GMCL1: variants seen among roughly 807,000 people sequenced by gnomAD.
The protein encoded by GMCL1 is germ cell-less protein-like 1.
In GMCL1, 54 loss-of-function variants were observed where a neutral mutation model predicts 75.5. The ratio of observed to expected loss-of-function variants is 0.71; its 90% CI spans 0.57 to 0.90. The LOEUF is 0.90. Ranked by LOEUF, GMCL1 falls within the 40% of genes least tolerant of loss-of-function variation. The pLI is 0.00. For missense variants in GMCL1, 537 were observed against 622.7 expected, an observed-to-expected ratio of 0.86 and a Z score of 1.47; for synonymous variants, 210 against 209.6, an observed-to-expected ratio of 1.00 and a Z score of -0.02.
intron 8 of GMCL1, among the ~76,000 whole-genome samples, chr2:69,852,569 G>T (rs1371533769): frequency 6.8e-6 from 1 of 148,034 alleles, no homozygotes; most frequent in East Asian, 2.0e-4. Context: ...ACAGAGTCTT[G>T]CTCTGTCACC....
intron 12 of GMCL1, 131 bp from the exon 13 acceptor site, chr2:69,871,614 G>T: frequency 1.8e-6 from 1 of 561,260 alleles, no homozygotes; most frequent in Non-Finnish European, 3.1e-6. Context: ...ATTACAGTTT[G>T]AAAAGACTTC....
intron 1 of GMCL1, 74 bp downstream of exon 1, chr2:69,830,226 C>T: frequency 6.7e-7 from 1 of 1,483,708 alleles, no homozygotes; most frequent in Non-Finnish European, 8.9e-7. Context: ...GCGCCTCGTG[C>T]GCTTGCGGGG....
At chr2:69,847,888 G>A (rs1675200427) in intron 7 of GMCL1, among the ~76,000 whole-genome samples, 1 of 151,836 alleles carries the variant, frequency 6.6e-6, no homozygotes, top group South Asian at 2.1e-4. Flanking sequence ...ATATGTTATT[G>A]CTATTTGTTT....
chr2:69,844,544 C>CTTTTTTT (rs34141260), intron 6 of GMCL1: 3 of 132,202 alleles, frequency 2.3e-5, no homozygotes, highest in Non-Finnish European at 4.9e-5. Context: ...CTGTTTTGGC[C>CTTTTTTT]TTTTTTTTTT....
In GMCL1 at chr2:69,881,085, GTTTCA is replaced by G. The variant is rs1276392380; in HGVS notation, c.*2087_*2091del. Reference sequence around the variant, plus strand: ...ATCATATTAATGAATAAAGTTAACTGTTTCATTTCACTTACATAAGTTAACTGGCC... The same window carrying G: ...ATCATATTAATGAATAAAGTTAACTGTTTCACTTACATAAGTTAACTGGCC... On this transcript the variant is annotated 3_prime_UTR_variant, in exon 14 of 14. Coordinates refer to ENST00000282570, the MANE Select transcript of GMCL1 (RefSeq NM_178439.5). The G allele has an allele frequency of 6.6e-6, 1 of 152,178 alleles. No individual in the cohort carries two copies. The highest frequency in any genetic ancestry group is 1.9e-4 in the East Asian group (1 of 5,204). 9.4% of individuals were successfully genotyped at this position (152,178 alleles called of 1,614,324 possible).
intron 13 of GMCL1, among the ~76,000 whole-genome samples, chr2:69,877,028 C>T (rs1289895212): frequency 6.6e-6 from 1 of 152,054 alleles, no homozygotes; most frequent in Non-Finnish European, 1.5e-5. Context: ...CCAACAACAA[C>T]AAATACCCAG....
At chr2:69,848,562 G>A (rs1675220394) in intron 7 of GMCL1, among the ~76,000 whole-genome samples, 1 of 152,152 alleles carries the variant, frequency 6.6e-6, no homozygotes, top group East Asian at 1.9e-4. Flanking sequence ...CAAAAGATTA[G>A]CTGGGTGTGG....
chr2:69,830,468 A>G (rs117772525), intron 1 of GMCL1, among the ~76,000 whole-genome samples: 4,297 of 152,320 alleles, frequency 0.028, 99 homozygotes, highest in Non-Finnish European at 0.045. Flanking sequence ...TGGCCTTCCC[A>G]GTCCACCTTT....
chr2:69,847,584 T>A lies in GMCL1; in HGVS notation c.800T>A (p.Phe267Tyr). The A allele has an allele frequency of 6.2e-7, 1 of 1,611,392 alleles. No individual in the cohort carries two copies. The highest frequency in any genetic ancestry group is 8.5e-7 in the Non-Finnish European group (1 of 1,177,844). ...MKQLIGSSNL[F>Y]VMQVEMDIYT... The stretch of plus-strand genomic sequence containing the variant: ...CAGCTCATTGGTTCATCTAACTTAT[T>A]TGTGATGCAAGTGGAGATGGATATA... The change falls in exon 7 of 14, where the codon TTT (phenylalanine) becomes TAT (tyrosine). Residue 267 changes from phenylalanine (F) to tyrosine (Y), a missense_variant. Physicochemically the swap from Phe to Tyr is conservative, Grantham distance 22. This residue lies in a region of GMCL1 where 345 missense variants were observed against 410.5 expected (regional missense o/e 0.84). Transcript: ENST00000282570.
chr2:69,852,024 T>C (rs995902387), intron 8 of GMCL1, among the ~76,000 whole-genome samples: 4 of 152,134 alleles, frequency 2.6e-5, no homozygotes, highest in Non-Finnish European at 5.9e-5. Flanking sequence ...TGTTACGTTA[T>C]GGCAATTAAA....
chr2:69,853,722 A>G (rs2103993668), intron 8 of GMCL1, among the ~76,000 whole-genome samples: 1 of 152,240 alleles, frequency 6.6e-6, no homozygotes, highest in South Asian at 2.1e-4. Flanking sequence ...CTGGAATGTA[A>G]CTGAGGGTAA....
chr2:69,861,810 C>T lies in GMCL1; in HGVS notation c.1142+463C>T, dbSNP rs145943734. On this transcript the variant is annotated intron_variant, in intron 10 of 13. Coordinates refer to ENST00000282570, the MANE Select transcript of GMCL1 (RefSeq NM_178439.5). ...ATTTAAAAACCATCCAGGCTGGGCA[C>T]GGTGGCTCACGCCTGTAATCCCAGC... 3.9e-5 allele frequency among the ~76,000 whole-genome samples: 6 copies of T among 152,210 alleles called. No homozygotes were observed. In the East Asian group the frequency reaches 5.8e-4, roughly 15 times the overall value.
intron 1 of GMCL1, among the ~76,000 whole-genome samples, chr2:69,837,319 T>G (rs1218007717): frequency 2.0e-5 from 3 of 152,180 alleles, no homozygotes; most frequent in African/African-American, 7.2e-5. Context: ...CTCCACTATC[T>G]CTCCCGTGCA....
intron 11 of GMCL1, among the ~76,000 whole-genome samples, chr2:69,868,308 T>C (rs1573370770): frequency 6.6e-6 from 1 of 152,184 alleles, no homozygotes; most frequent in South Asian, 2.1e-4. Context: ...TTTACTGCTA[T>C]GATTCCATTG....
At position 69,860,217 on chromosome 2, in the gene GMCL1, C is replaced by T. The variant is rs1289045679; in HGVS notation, c.1073-1061C>T. On this transcript the variant is annotated intron_variant, in intron 9 of 13. Transcript: ENST00000282570. ...TGTTGCCCAGGCTGGTCTAGAACTC[C>T]TGGGCTCAAGTGATCCTCCTACCTC... Among the ~76,000 whole-genome samples, 4 of 152,172 alleles carry T rather than the reference C, an allele frequency of 2.6e-5. No individual in the cohort carries two copies. In the East Asian group the frequency reaches 7.7e-4, roughly 29 times the overall value.
chr2:69,842,027 G>GAAAAGA (rs1419623139), intron 4 of GMCL1, among the ~76,000 whole-genome samples: 1 of 152,200 alleles, frequency 6.6e-6, no homozygotes, highest in Non-Finnish European at 1.5e-5. Flanking sequence ...TTAATCAGGG[G>GAAAAGA]AAAGACGAAG....
At chr2:69,871,597 C>T (rs748679558) in intron 12 of GMCL1, 148 bp from the exon 13 acceptor site, 4 of 528,728 alleles carry the variant, frequency 7.6e-6, no homozygotes, top group Non-Finnish European at 1.3e-5. Flanking sequence ...TCACTGAATG[C>T]AGTCAGATTA....
Position 69,864,966 on chromosome 2 carries a change from A to G in GMCL1, c.1209A>G (p.Lys403=). Residue 403 remains lysine (K), a synonymous_variant, in exon 11 of 14, where the codon AAA becomes AAG. Coordinates refer to ENST00000282570, the MANE Select transcript of GMCL1 (RefSeq NM_178439.5). ...NSMRCGRKLA[K]DGEYCWRWTG... ...TGAGGTGTGGTAGAAAGCTTGCCAA[A>G]GATGGTGAAGTAAGTATGGGTTGTG... is the stretch of plus-strand genomic sequence containing the variant. The G allele has an allele frequency of 5.0e-6, 8 of 1,612,142 alleles. No individual in the cohort carries two copies. The highest frequency in any genetic ancestry group is 6.8e-6 in the Non-Finnish European group (8 of 1,178,306).
chr2:69,843,288 C>T (rs745775283), intron 5 of GMCL1, 27 bp downstream of exon 5: 6 of 1,244,570 alleles, frequency 4.8e-6, no homozygotes, highest in Non-Finnish European at 7.1e-6. Flanking sequence ...GTTTTTCTTC[C>T]TATCCCACTT....
Sources: gnomAD v4.1 joint callset for allele counts (sites outside exome capture counted in the v4.1 genomes callset) on GRCh38, gnomAD v4.1.1 for gene constraint, gnomAD v4.1.1 regional missense constraint, MANE v1.5 for transcripts, NCBI Gene and HGNC (gene_info 2026-07-23, HGNC 2026-07-21) for gene names.